NTNG1: variants seen among roughly 807,000 people sequenced by gnomAD.
NTNG1 encodes the protein netrin-G1.
Under a neutral mutation model 54.0 loss-of-function variants are expected in NTNG1, and 16 were observed. That is an observed-to-expected ratio of 0.30 (90% confidence interval 0.20 to 0.45). The LOEUF is 0.45. Ranked by LOEUF, NTNG1 falls within the 20% of genes least tolerant of loss-of-function variation. The pLI is 1.00. For synonymous variants in NTNG1, 255 were observed against 263.1 expected (o/e 0.97, Z 0.30); for missense variants, 530 against 678.7 (o/e 0.78, Z 2.43).
At chr1:107,461,734 A>G (rs1239309208) in intron 7 of NTNG1, among the ~76,000 whole-genome samples, 1 of 151,854 alleles carries the variant, frequency 6.6e-6, no homozygotes, top group African/African-American at 2.4e-5. Context: ...GGGTTTCACC[A>G]TGTTGGCCAG....
chr1:107,394,323 G>T (rs1171004922), intron 3 of NTNG1, among the ~76,000 whole-genome samples: 1 of 152,170 alleles, frequency 6.6e-6, no homozygotes, highest in Non-Finnish European at 1.5e-5. Context: ...ATGTATTTTT[G>T]TGGAAATTGC....
At chr1:107,407,937 A>G in intron 5 of NTNG1, 1 of 712,126 alleles carries the variant, frequency 1.4e-6, no homozygotes, top group Non-Finnish European at 2.6e-6. Context: ...GACTTTTCTG[A>G]CTACTCTTAA....
At chr1:107,341,330 A>C (rs115057671) in intron 3 of NTNG1, among the ~76,000 whole-genome samples, 2 of 151,900 alleles carry the variant, frequency 1.3e-5, no homozygotes, top group African/African-American at 4.8e-5. Context: ...ATGTGCACTT[A>C]TCTGTCTTAA....
chr1:107,234,033 C>T (rs201854714), intron 2 of NTNG1, among the ~76,000 whole-genome samples: 4 of 152,002 alleles, frequency 2.6e-5, no homozygotes, highest in East Asian at 3.9e-4. Context: ...TTTTAGTTAT[C>T]GATTTTTACC....
chr1:107,207,707 T>C (rs1289559870), intron 2 of NTNG1, among the ~76,000 whole-genome samples: 1 of 152,186 alleles, frequency 6.6e-6, no homozygotes, highest in Middle Eastern at 3.2e-3. Flanking sequence ...TCTCAACAGT[T>C]ATGATGATTC....
intron 5 of NTNG1, chr1:107,410,504 T>A (rs1013165156): frequency 3.3e-5 from 5 of 152,196 alleles, no homozygotes; most frequent in Admixed American, 3.3e-4. Context: ...TCAGTCATTC[T>A]GATCTGCTTT....
chr1:107,436,229 A>T (rs1281950499), intron 6 of NTNG1, among the ~76,000 whole-genome samples: 1 of 152,228 alleles, frequency 6.6e-6, no homozygotes, highest in Non-Finnish European at 1.5e-5. Flanking sequence ...AAGTGCATTC[A>T]TATTGTACTT....
At chr1:107,435,464 C>T (rs942585738) in intron 6 of NTNG1, among the ~76,000 whole-genome samples, 7 of 152,018 alleles carry the variant, frequency 4.6e-5, no homozygotes, top group African/African-American at 9.7e-5. Context: ...ATGCTGAACT[C>T]GAAACCTGAC....
chr1:107,319,678 C>G (rs1020367475), intron 2 of NTNG1, among the ~76,000 whole-genome samples: 1 of 152,042 alleles, frequency 6.6e-6, no homozygotes, highest in African/African-American at 2.4e-5. Flanking sequence ...AACCCAAACG[C>G]GTCTCACATT....
At chr1:107,179,835 T>C (rs1656936937) in intron 2 of NTNG1, among the ~76,000 whole-genome samples, 1 of 152,210 alleles carries the variant, frequency 6.6e-6, no homozygotes, top group Non-Finnish European at 1.5e-5. Flanking sequence ...TGAGCTTTTC[T>C]GCTTATTTCT....
chr1:107,421,191 T>G, intron 5 of NTNG1: 5 of 1,292,770 alleles, frequency 3.9e-6, no homozygotes, highest in Non-Finnish European at 5.6e-6. Flanking sequence ...TTATGTGTTG[T>G]GAAACATTGC....
Position 107,214,585 on chromosome 1 carries a change from C to T in NTNG1, c.246+65746C>T, listed in dbSNP as rs551800630. Among the ~76,000 whole-genome samples the T allele has an allele frequency of 3.9e-5, 6 of 152,216 alleles. No homozygotes were observed. In the East Asian group the frequency reaches 5.8e-4, roughly 15 times the overall value. ...CAAATTATGCCGCTATAAATATGCA[C>T]GTGCAAGTATCTTTTTCATGTAATG... On this transcript the variant is annotated intron_variant, in intron 2 of 7. Transcript: ENST00000370068.
intron 2 of NTNG1, among the ~76,000 whole-genome samples, chr1:107,155,343 C>A (rs1654904150): frequency 6.6e-6 from 1 of 151,868 alleles, no homozygotes; most frequent in South Asian, 2.1e-4. Context: ...ACTCTGATGC[C>A]ACCTATCTTT....
intron 3 of NTNG1, among the ~76,000 whole-genome samples, chr1:107,339,196 A>T (rs1454226164): frequency 6.6e-6 from 1 of 151,956 alleles, no homozygotes; most frequent in Non-Finnish European, 1.5e-5. Context: ...GGGGCTCTCA[A>T]ATTCTCTTTG....
At chr1:107,402,183 G>C (rs898573850) in intron 4 of NTNG1, among the ~76,000 whole-genome samples, 1 of 152,152 alleles carries the variant, frequency 6.6e-6, no homozygotes, top group Non-Finnish European at 1.5e-5. Flanking sequence ...CTGTAATTAA[G>C]TCTATGTGCA....
chr1:107,184,443 T>G (rs535779246), intron 2 of NTNG1, among the ~76,000 whole-genome samples: 1 of 152,254 alleles, frequency 6.6e-6, no homozygotes, highest in East Asian at 1.9e-4. Flanking sequence ...GGCCGGTTGT[T>G]GCCACTGAGT....
intron 3 of NTNG1, among the ~76,000 whole-genome samples, chr1:107,349,882 T>A (rs1411109748): frequency 2.6e-5 from 4 of 152,198 alleles, no homozygotes; most frequent in Non-Finnish European, 5.9e-5. Context: ...TAGATATCCT[T>A]GTTAAGAAAT....
At chr1:107,452,925 T>C (rs1469583884) in intron 7 of NTNG1, among the ~76,000 whole-genome samples, 3 of 152,182 alleles carry the variant, frequency 2.0e-5, no homozygotes, top group Non-Finnish European at 2.9e-5. Context: ...CATCCTTTAC[T>C]GAGGAGGTAC....
At chr1:107,179,939 C>G (rs1455232929) in intron 2 of NTNG1, among the ~76,000 whole-genome samples, 2 of 152,054 alleles carry the variant, frequency 1.3e-5, no homozygotes, top group African/African-American at 2.4e-5. Flanking sequence ...AAATGGTTGT[C>G]CAATATGCAA....
Sources: allele counts gnomAD v4.1 joint callset (sites outside exome capture counted in the v4.1 genomes callset), GRCh38; gene constraint gnomAD v4.1.1; transcripts MANE v1.5; gene names NCBI Gene and HGNC (gene_info 2026-07-23, HGNC 2026-07-21).